The following SMCO2 variants were observed in gnomAD, a reference collection of about 807,000 sequenced individuals.
The protein encoded by SMCO2 is single-pass membrane and coiled-coil domain-containing protein 2.
In SMCO2, 25 loss-of-function variants were observed where a neutral mutation model predicts 29.5. The observed-to-expected ratio is 0.85, with a 90% CI of 0.62 to 1.18. The LOEUF (loss-of-function observed/expected upper bound fraction) is 1.18, where lower values mean the gene tolerates loss of function less well. SMCO2 is among the 50% of genes most tolerant of loss of function. SMCO2 has a pLI of 0.00. For missense variants in SMCO2, 348 were observed against 344.5 expected (o/e 1.01, Z -0.08); for synonymous variants, 117 against 123.3 (o/e 0.95, Z 0.34).
At position 27,502,136 on chromosome 12, in the gene SMCO2, C is replaced by T. The variant is rs777174513; in HGVS notation, c.*15C>T. The T allele has an allele frequency of 3.3e-4, 492 of 1,505,654 alleles. 12 individuals are homozygous for T. The highest frequency in any genetic ancestry group is 4.2e-4 in the Non-Finnish European group (468 of 1,124,436). 93.3% of individuals were successfully genotyped at this position (1,505,654 alleles called of 1,614,324 possible). A position where few individuals can be genotyped will look rare whatever the true frequency, so the allele number is the denominator to read the frequency against. ...TACCCTCCTAAAGATACAGAAGTTA[C>T]TGTCACCCTACTGACTTTCTCACCA... On this transcript the variant is annotated 3_prime_UTR_variant, in exon 8 of 8. Transcript: ENST00000298876.
the SMCO2 span, among the ~76,000 whole-genome samples, chr12:27,459,865 G>T: frequency 6.6e-6 from 1 of 152,278 alleles, no homozygotes; most frequent in South Asian, 2.1e-4. Flanking sequence ...ACATTGTCCA[G>T]AATTTAGTCA....
the SMCO2 span, among the ~76,000 whole-genome samples, chr12:27,431,907 C>G: frequency 1.3e-5 from 2 of 152,124 alleles, no homozygotes; most frequent in Non-Finnish European, 2.9e-5. Flanking sequence ...TTCTCCACAT[C>G]CTTGCCAACT....
intron 4 of SMCO2, among the ~76,000 whole-genome samples, chr12:27,476,288 A>C (rs1483750503): frequency 3.3e-5 from 5 of 152,206 alleles, no homozygotes; most frequent in Non-Finnish European, 5.9e-5. Flanking sequence ...CATATGGTCT[A>C]TCCCAGAGAA....
intron 4 of SMCO2, 93 bp downstream of exon 5, chr12:27,475,824 T>G: frequency 1.6e-6 from 2 of 1,222,910 alleles, no homozygotes; most frequent in Non-Finnish European, 2.2e-6. Flanking sequence ...TGATAAAGTC[T>G]TTAGGCCATA....
At chr12:27,456,251 A>G in the SMCO2 span, among the ~76,000 whole-genome samples, 3 of 152,382 alleles carry the variant, frequency 2.0e-5, no homozygotes, top group East Asian at 5.8e-4. Context: ...ATTGGATTAT[A>G]TAAAAGACAT....
At chr12:27,474,787 G>A in exon 4 of SMCO2, 1 of 1,551,522 alleles carries the variant, frequency 6.4e-7, no homozygotes, top group South Asian at 1.2e-5. Flanking sequence ...CTTTACCAGG[G>A]TATGTTGGAG....
chr12:27,428,973 C>T, the SMCO2 span, among the ~76,000 whole-genome samples: 3 of 151,966 alleles, frequency 2.0e-5, no homozygotes, highest in Admixed American at 2.0e-4. Context: ...GACATGTAGA[C>T]GAATATCACA....
chr12:27,497,924 G>T, intron 7 of SMCO2: 1 of 338,146 alleles, frequency 3.0e-6, no homozygotes, highest in Admixed American at 3.5e-5. Flanking sequence ...AGTAACTAGA[G>T]TCTCCCGTGC....
At chr12:27,456,376 C>T in the SMCO2 span, among the ~76,000 whole-genome samples, 1 of 152,164 alleles carries the variant, frequency 6.6e-6, no homozygotes, top group Non-Finnish European at 1.5e-5. Flanking sequence ...TAAAGCGTTT[C>T]CTCATTTTTA....
At chr12:27,448,317 G>C in the SMCO2 span, among the ~76,000 whole-genome samples, 1 of 152,144 alleles carries the variant, frequency 6.6e-6, no homozygotes, top group Non-Finnish European at 1.5e-5. Context: ...TGTCTGCCAG[G>C]TCAGAATTGC....
chr12:27,478,675 G>A (rs998431588), intron 4 of SMCO2, among the ~76,000 whole-genome samples: 1 of 152,186 alleles, frequency 6.6e-6, no homozygotes, highest in African/African-American at 2.4e-5. Flanking sequence ...ATAGGTGCAG[G>A]CAGCAGGAAG....
At chr12:27,501,348 A>G in intron 7 of SMCO2, among the ~76,000 whole-genome samples, 1 of 138,834 alleles carries the variant, frequency 7.2e-6, no homozygotes, top group Non-Finnish European at 1.5e-5. Flanking sequence ...CCCAAGAGGC[A>G]GAGCTTGCAG....
chr12:27,496,121 C>G (rs1278056161), intron 7 of SMCO2, among the ~76,000 whole-genome samples: 1 of 149,782 alleles, frequency 6.7e-6, no homozygotes, highest in African/African-American at 2.5e-5. Flanking sequence ...ATAAATATAT[C>G]TAAATATAGA....
At chr12:27,457,839 A>G in the SMCO2 span, among the ~76,000 whole-genome samples, 1 of 152,238 alleles carries the variant, frequency 6.6e-6, no homozygotes, top group Non-Finnish European at 1.5e-5. Context: ...ATAAAATGTA[A>G]TATCTTTTTG....
chr12:27,486,472 C>A (rs749623064), intron 4 of SMCO2, among the ~76,000 whole-genome samples: 15 of 152,200 alleles, frequency 9.9e-5, no homozygotes, highest in Non-Finnish European at 1.8e-4. Context: ...TGTTGTTCAA[C>A]GTCTGAAAAC....
In SMCO2 at chr12:27,495,676, T is replaced by C. The variant is rs766683606; in HGVS notation, c.508-4T>C. 4 of 1,460,820 alleles carry C rather than the reference T, an allele frequency of 2.7e-6. 1 individual carries two copies. Among genetic ancestry groups the C allele is most frequent in the South Asian group, 2.8e-5 (2 of 70,496 alleles). 90.5% of individuals were successfully genotyped at this position (1,460,820 alleles called of 1,614,324 possible). On this transcript the variant is annotated splice_polypyrimidine_tract_variant and splice_region_variant and intron_variant, in intron 6 of 7. Transcript: ENST00000298876. ...TAAGGTACTTGATTACTCTTTTTTTTCAGGACCTTTGCAAGAATGTGGAAC... is the reference window on the plus strand; with the variant it reads ...TAAGGTACTTGATTACTCTTTTTTTCCAGGACCTTTGCAAGAATGTGGAAC...
rs377557693 is a variant in SMCO2 at position 27,470,695 on chromosome 12, G to C, written c.64G>C (p.Glu22Gln). 1.2e-5 allele frequency: 18 copies of C among 1,551,102 alleles called. No individual in the cohort carries two copies. The Admixed American group carries it at 2.4e-4, about 20-fold the overall frequency. The change falls in exon 2 of 8, where the codon GAA becomes CAA. Residue 22 changes from glutamate (E) to glutamine (Q), a missense_variant. Glu to Gln is a conservative substitution (Grantham distance 29, BLOSUM62 2). Transcript: ENST00000298876. ...TCTGCAGATGAAGATGGACTGCCAG[G>C]AACAACAGCTGACTAAGAAAAACAA...
chr12:27,470,785 G>C lies in SMCO2; in HGVS notation c.134+20G>C. On this transcript the variant is annotated intron_variant, in intron 2 of 7. Transcript: ENST00000298876. ...GCAGGAGTAAGTCAGAACTGAGCTT[G>C]CAGAAGCAGTTTCTAGGGTCCCAAC... The C allele has an allele frequency of 6.5e-7, 1 of 1,548,384 alleles. No individual in the cohort carries two copies. The highest frequency in any genetic ancestry group is 8.7e-7 in the Non-Finnish European group (1 of 1,145,518).
chr12:27,501,986 C>A lies in SMCO2; in HGVS notation c.747C>A (p.Tyr249Ter). ...TCACCGTCACTGGACTTTTATGTTA[C>A]ATACTATTTTTTGGTGCTACATTTC... is the stretch of plus-strand genomic sequence containing the variant. Residue 249 changes from tyrosine to a stop codon, truncating the protein, a stop_gained, in exon 8 of 8, where the codon TAC (tyrosine) becomes TAA (stop). Transcript: ENST00000298876. LOFTEE classifies it low-confidence loss of function (END_TRUNC). 1.9e-6 allele frequency: 3 copies of A among 1,547,948 alleles called. 1 individual carries two copies. The Middle Eastern group carries it at 5.1e-4, about 261-fold the overall frequency.
Sources: gnomAD v4.1 joint callset for allele counts (sites outside exome capture counted in the v4.1 genomes callset) on GRCh38, gnomAD v4.1.1 for gene constraint, MANE v1.5 for transcripts, NCBI Gene and HGNC (gene_info 2026-07-23, HGNC 2026-07-21) for gene names.